The following SS18L1 variants were observed in gnomAD, a reference collection of about 807,000 sequenced individuals.
SS18L1 encodes the protein calcium-responsive transactivator.
SS18L1 carries 32 observed loss-of-function variants against 70.3 expected under a neutral mutation model. The ratio of observed to expected loss-of-function variants is 0.46; its 90% CI spans 0.34 to 0.61. SS18L1 has a LOEUF of 0.61. Among genes scored for constraint, SS18L1 ranks in the 20% least tolerant of loss-of-function variants. The pLI is 0.01. For missense variants in SS18L1, 430 were observed against 542.1 expected, an observed-to-expected ratio of 0.79 and a Z score of 2.05; for synonymous variants, 237 against 229.7, an observed-to-expected ratio of 1.03 and a Z score of -0.29.
chr20:62,177,798 T>G (rs1449075947), intron 10 of SS18L1, among the ~76,000 whole-genome samples: 1 of 148,998 alleles, frequency 6.7e-6, no homozygotes, highest in East Asian at 2.0e-4. Flanking sequence ...TCTCGCTCAC[T>G]GCAGCCTCTG....
chr20:62,175,887 G>T (rs1047614537), intron 10 of SS18L1, among the ~76,000 whole-genome samples: 2 of 152,164 alleles, frequency 1.3e-5, no homozygotes, highest in African/African-American at 4.8e-5. Flanking sequence ...CATTTACACA[G>T]ATGTCAGGAG....
rs939006470 is a variant in SS18L1 at position 62,161,456 on chromosome 20, C to T, written c.252C>T (p.Asn84=). Residue 84 remains asparagine (N), a synonymous_variant, in exon 4 of 11, where the codon AAC becomes AAT. Coordinates refer to ENST00000331758, the MANE Select transcript of SS18L1 (RefSeq NM_198935.3). The surrounding 1 kb of genome is among the most constrained non-coding windows in gnomAD (Gnocchi z 4.4). The stretch of plus-strand genomic sequence containing the variant: ...TGCAGCCGCCCACGCAGAACATGAA[C>T]CTGGGCCCTGGAGCCCTGACTCAGA... The part of the protein sequence containing the change: ...LLPAPPTQNM[N]LGPGALTQSG... 6.2e-7 allele frequency: 1 copy of T among 1,612,922 alleles called. No individual in the cohort carries two copies. The highest frequency in any genetic ancestry group is 8.5e-7 in the Non-Finnish European group (1 of 1,180,028).
intron 10 of SS18L1, chr20:62,175,532 C>A: frequency 2.5e-6 from 2 of 790,022 alleles, no homozygotes; most frequent in Non-Finnish European, 3.1e-6. Flanking sequence ...GGCTGGAGCA[C>A]AGGGCATATG....
intron 1 of SS18L1, among the ~76,000 whole-genome samples, chr20:62,146,605 A>ATTTTTT (rs10673768): frequency 0.6 from 47,332 of 79,056 alleles, 15,924 homozygotes; most frequent in East Asian, 0.68. Flanking sequence ...TGCTTTGATC[A>ATTTTTT]TTTTTTTTTT....
chr20:62,167,297 C>A (rs1221312946), intron 8 of SS18L1, among the ~76,000 whole-genome samples: 2 of 151,222 alleles, frequency 1.3e-5, no homozygotes, highest in Non-Finnish European at 2.9e-5. Flanking sequence ...CCTGCCTCAG[C>A]CTCCCAAAGT....
At position 62,158,929 on chromosome 20, in the gene SS18L1, C is replaced by A; in HGVS notation, c.146+181C>A. 6.3e-7 allele frequency: 1 copy of A among 1,587,532 alleles called. No individual in the cohort carries two copies. The highest frequency in any genetic ancestry group is 1.1e-5 in the South Asian group (1 of 90,000). Reference sequence around the variant, plus strand: ...CAGAGGCCAGATATGTCCCAGGAGTCCCCCAGCACGGAGGTCAGATATGTC... The same window carrying A: ...CAGAGGCCAGATATGTCCCAGGAGTACCCCAGCACGGAGGTCAGATATGTC... On this transcript the variant is annotated intron_variant, in intron 2 of 10. Coordinates refer to ENST00000331758, the MANE Select transcript of SS18L1 (RefSeq NM_198935.3). The surrounding 1 kb of genome is among the most constrained non-coding windows in gnomAD (Gnocchi z 4.5).
rs375714529 is a variant in SS18L1, at chr20:62,158,841, A to G, written c.146+93A>G. On this transcript the variant is annotated intron_variant, in intron 2 of 10. Transcript: ENST00000331758. The surrounding 1 kb of genome is among the most constrained non-coding windows in gnomAD (Gnocchi z 4.5). ...ACGTCCCAAGAGTCCCCCAGCACAG[A>G]GATCAGATAAGTCCCAGGAGTCCCC... The G allele has an allele frequency of 3.1e-6, 5 of 1,610,810 alleles. No homozygotes were observed. The African/African-American group carries it at 6.7e-5, about 22-fold the overall frequency.
intron 10 of SS18L1, chr20:62,175,054 C>A: frequency 1.4e-6 from 1 of 730,730 alleles, no homozygotes; most frequent in Non-Finnish European, 1.7e-6. Context: ...GAGGACAGAG[C>A]GGGGGGCCCC....
In SS18L1 at chr20:62,165,427, G is replaced by A; in HGVS notation, c.829G>A (p.Gly277Ser). 6.2e-7 allele frequency: 1 copy of A among 1,611,974 alleles called. No individual in the cohort carries two copies. The highest frequency in any genetic ancestry group is 8.5e-7 in the Non-Finnish European group (1 of 1,179,478). Residue 277 changes from glycine to serine, a missense_variant, in exon 8 of 11, where the codon GGC becomes AGC. Transcript: ENST00000331758. ...GCCGTCTCCGTTTCGCACAGGCCAT[G>A]GCGATTACGCCTACCAGCAGTCATC... is the stretch of plus-strand genomic sequence containing the variant. ...MGQQYYPDGH[G>S]DYAYQQSSYT... is the part of the protein sequence containing the mutation.
At chr20:62,146,934 C>G (rs1181904443) in intron 1 of SS18L1, among the ~76,000 whole-genome samples, 1 of 152,076 alleles carries the variant, frequency 6.6e-6, no homozygotes, top group Non-Finnish European at 1.5e-5. Flanking sequence ...CCTCAATTTC[C>G]CACTTTTTAT....
chr20:62,167,504 G>A (rs2057457255), intron 8 of SS18L1, among the ~76,000 whole-genome samples: 1 of 151,996 alleles, frequency 6.6e-6, no homozygotes, highest in African/African-American at 2.4e-5. Flanking sequence ...AGGTTGCAGT[G>A]AGTTGAGATT....
intron 1 of SS18L1, among the ~76,000 whole-genome samples, chr20:62,156,606 A>T (rs911279950): frequency 3.9e-5 from 6 of 152,250 alleles, no homozygotes; most frequent in Non-Finnish European, 8.8e-5. Flanking sequence ...GCAGTCACTC[A>T]GCTGGGGCTG....
At position 62,163,032 on chromosome 20, in the gene SS18L1, G is replaced by A; in HGVS notation, c.556+101G>A. 3 of 1,471,520 alleles carry A rather than the reference G, an allele frequency of 2.0e-6. No individual in the cohort carries two copies. In the South Asian group the frequency reaches 3.7e-5, roughly 18 times the overall value. The allele number at this position is 1,471,520 out of a possible 1,614,324, so 91.2% of individuals were successfully genotyped here. On this transcript the variant is annotated intron_variant, in intron 5 of 10. Coordinates refer to ENST00000331758, the MANE Select transcript of SS18L1 (RefSeq NM_198935.3). Reference sequence around the variant, plus strand: ...GTGGTCCCGGGGAAGCTGCCCTCCTGCTGGGTGCTGGAGGGGAGGGGCCCG... The same window carrying A: ...GTGGTCCCGGGGAAGCTGCCCTCCTACTGGGTGCTGGAGGGGAGGGGCCCG...
intron 8 of SS18L1, among the ~76,000 whole-genome samples, chr20:62,168,691 G>A (rs1355600045): frequency 6.6e-6 from 1 of 152,204 alleles, no homozygotes; most frequent in East Asian, 1.9e-4. Flanking sequence ...GCATGCGCCT[G>A]TTGTCCCAGC....
chr20:62,179,494 G>A lies in SS18L1; in HGVS notation c.*286G>A, dbSNP rs2057676243. On this transcript the variant is annotated 3_prime_UTR_variant, in exon 11 of 11. Transcript: ENST00000331758. ...CCCCGCCCCCTTCTCAATGTTTCTA[G>A]CTAGCTTTGGGGGTCATTTTGTCAT... 2.0e-6 allele frequency: 1 copy of A among 503,148 alleles called. No individual in the cohort carries two copies. 31.2% of individuals were successfully genotyped at this position (503,148 alleles called of 1,614,324 possible).
rs2057264801 is a variant in SS18L1 at position 62,158,570 on chromosome 20, A to C, written c.70-102A>C. 6.6e-7 allele frequency: 1 copy of C among 1,504,728 alleles called. No individual in the cohort carries two copies. Among genetic ancestry groups the C allele is most frequent in the Non-Finnish European group, 8.9e-7 (1 of 1,119,176 alleles). The allele number at this position is 1,504,728 out of a possible 1,614,324, so 93.2% of individuals were successfully genotyped here. Reference sequence around the variant, plus strand: ...AAATCTGACACGTTTCACGTAAGGGACGCTCAACCTATATGAAAACTAGAT... The same window carrying C: ...AAATCTGACACGTTTCACGTAAGGGCCGCTCAACCTATATGAAAACTAGAT... On this transcript the variant is annotated intron_variant, in intron 1 of 10. Transcript: ENST00000331758. The surrounding 1 kb of genome is among the most constrained non-coding windows in gnomAD (Gnocchi z 4.5).
At chr20:62,149,939 G>A (rs530080712) in intron 1 of SS18L1, among the ~76,000 whole-genome samples, 1 of 152,332 alleles carries the variant, frequency 6.6e-6, no homozygotes, top group African/African-American at 2.4e-5. Context: ...ACTGTCAGGA[G>A]CACAGTGATT....
chr20:62,181,428 A>G lies in SS18L1; in HGVS notation c.*2220A>G, dbSNP rs45505393. ...TTAAACATTTTAGATAACTGTGAAG[A>G]TAGTTTATTTTTATTCCTTGCCAAT... is the stretch of plus-strand genomic sequence containing the variant. On this transcript the variant is annotated 3_prime_UTR_variant, in exon 11 of 11. Transcript: ENST00000331758. 4 of 208,400 alleles carry G rather than the reference A, an allele frequency of 1.9e-5. No individual in the cohort carries two copies. The highest frequency in any genetic ancestry group is 3.9e-5 in the Non-Finnish European group (4 of 102,146). 12.9% of individuals were successfully genotyped at this position (208,400 alleles called of 1,614,324 possible).
chr20:62,181,000 TTC>T lies in SS18L1; in HGVS notation c.*1794_*1795del, dbSNP rs1315250023. ...CACTTATGTGTTTTGCTTGAATTAATTCTGACAGCCCCTATGAGGAAATCTGG... is the reference window on the plus strand; with the variant it reads ...CACTTATGTGTTTTGCTTGAATTAATTGACAGCCCCTATGAGGAAATCTGG... On this transcript the variant is annotated 3_prime_UTR_variant, in exon 11 of 11. Transcript: ENST00000331758. 5.4e-6 allele frequency: 1 copy of T among 184,056 alleles called. No homozygotes were observed. Among genetic ancestry groups the T allele is most frequent in the East Asian group, 8.8e-5 (1 of 11,406 alleles). 11.4% of individuals were successfully genotyped at this position (184,056 alleles called of 1,614,324 possible). A position where few individuals can be genotyped will look rare whatever the true frequency, so the allele number is the denominator to read the frequency against.
Sources: allele counts gnomAD v4.1 joint callset (sites outside exome capture counted in the v4.1 genomes callset), GRCh38; gene constraint gnomAD v4.1.1; non-coding constraint Gnocchi (gnomAD v3.1); transcripts MANE v1.5; gene names NCBI Gene and HGNC (gene_info 2026-07-23, HGNC 2026-07-21).